SMOC1: variants seen among roughly 807,000 people sequenced by gnomAD.
SMOC1 encodes the protein SPARC-related modular calcium-binding protein 1.
Under a neutral mutation model 56.3 loss-of-function variants are expected in SMOC1, and 22 were observed. That is an observed-to-expected ratio of 0.39 (90% CI 0.28 to 0.56). SMOC1 has a LOEUF of 0.56. Ranked by LOEUF, SMOC1 falls within the 20% of genes least tolerant of loss-of-function variation. The pLI, the probability that SMOC1 is intolerant of heterozygous loss-of-function variation, is 0.61. For synonymous variants in SMOC1, 193 were observed against 215.0 expected (o/e 0.90, Z 0.89); for missense variants, 509 against 565.4 (o/e 0.90, Z 1.01).
At chr14:69,887,228 C>A (rs1300557714) in intron 1 of SMOC1, among the ~76,000 whole-genome samples, 1 of 152,072 alleles carries the variant, frequency 6.6e-6, no homozygotes, top group Non-Finnish European at 1.5e-5. Flanking sequence ...CCAAAAGATA[C>A]AGTAACTTAT....
chr14:69,966,461 T>C (rs1883581463), intron 3 of SMOC1, among the ~76,000 whole-genome samples: 1 of 152,228 alleles, frequency 6.6e-6, no homozygotes, highest in South Asian at 2.1e-4. Flanking sequence ...GGTACTAGTT[T>C]ATAAATCTCC....
chr14:69,960,160 C>T (rs1272206484), intron 3 of SMOC1, among the ~76,000 whole-genome samples: 1 of 152,182 alleles, frequency 6.6e-6, no homozygotes, highest in Non-Finnish European at 1.5e-5. Context: ...TGAACATCCT[C>T]ATAGGGTGGA....
intron 10 of SMOC1, among the ~76,000 whole-genome samples, chr14:70,016,325 C>CA (rs1318047703): frequency 6.6e-6 from 1 of 151,916 alleles, no homozygotes; most frequent in African/African-American, 2.4e-5. Context: ...AGAGGTTTTT[C>CA]AAAAAAATTG....
rs565321447 is a variant in SMOC1, at chr14:69,965,081, A to G, written c.379-10634A>G. Among the ~76,000 whole-genome samples the G allele has an allele frequency of 4.5e-4, 69 of 152,168 alleles. 1 individual carries two copies. Among genetic ancestry groups the G allele is most frequent in the Non-Finnish European group, 8.8e-4 (60 of 68,026 alleles). On this transcript the variant is annotated intron_variant, in intron 3 of 11. Coordinates refer to ENST00000361956, the MANE Select transcript of SMOC1 (RefSeq NM_001034852.3). ...GCCAGAGATAACAACCAAAGGATGG[A>G]TAAAAAGATGACTAGGCCGGGTGCA...
intron 7 of SMOC1, among the ~76,000 whole-genome samples, chr14:70,005,273 T>G (rs1885111689): frequency 6.6e-6 from 1 of 152,188 alleles, no homozygotes; most frequent in Non-Finnish European, 1.5e-5. Flanking sequence ...TAGCTGAGGA[T>G]TTAGGTTATC....
chr14:69,997,175 T>C (rs1048349132), intron 7 of SMOC1, among the ~76,000 whole-genome samples: 6 of 152,206 alleles, frequency 3.9e-5, no homozygotes, highest in African/African-American at 1.4e-4. Context: ...GCCCCTCTCA[T>C]AGTCCAGGCA....
intron 1 of SMOC1, among the ~76,000 whole-genome samples, chr14:69,939,589 G>A (rs921791275): frequency 6.6e-6 from 1 of 152,136 alleles, no homozygotes; most frequent in Non-Finnish European, 1.5e-5. Flanking sequence ...TCTAAGTTTG[G>A]GGCTGCCTGT....
chr14:69,966,206 G>T (rs897280833), intron 3 of SMOC1, among the ~76,000 whole-genome samples: 1 of 152,030 alleles, frequency 6.6e-6, no homozygotes, highest in African/African-American at 2.4e-5. Context: ...CCCCAAGATA[G>T]AAATAAAATT....
At chr14:69,900,788 C>T (rs1250015785) in intron 1 of SMOC1, among the ~76,000 whole-genome samples, 1 of 152,228 alleles carries the variant, frequency 6.6e-6, no homozygotes, top group African/African-American at 2.4e-5. Flanking sequence ...ATTGCTAAAA[C>T]AAGGTGAATT....
At chr14:69,990,188 C>G (rs1884511627) in intron 5 of SMOC1, among the ~76,000 whole-genome samples, 1 of 152,182 alleles carries the variant, frequency 6.6e-6, no homozygotes, top group Non-Finnish European at 1.5e-5. Flanking sequence ...CCTTTTTGCC[C>G]TCCTTGAGTG....
At chr14:69,916,400 T>C (rs1005072395) in intron 1 of SMOC1, among the ~76,000 whole-genome samples, 1 of 152,244 alleles carries the variant, frequency 6.6e-6, no homozygotes, top group Non-Finnish European at 1.5e-5. Flanking sequence ...CTTTTCAGCC[T>C]TTGGGCTCTA....
At chr14:69,966,172 A>G (rs768725140) in intron 3 of SMOC1, among the ~76,000 whole-genome samples, 1 of 152,180 alleles carries the variant, frequency 6.6e-6, no homozygotes, top group Non-Finnish European at 1.5e-5. Context: ...CTTTTTAAAC[A>G]TAAAAATATA....
chr14:70,006,268 G>A (rs1329847795), intron 7 of SMOC1, among the ~76,000 whole-genome samples: 2 of 152,158 alleles, frequency 1.3e-5, no homozygotes, highest in African/African-American at 4.8e-5. Flanking sequence ...CTATTTTAGA[G>A]GCTTGTTTGA....
intron 2 of SMOC1, among the ~76,000 whole-genome samples, chr14:69,953,129 A>G (rs994532214): frequency 6.7e-6 from 1 of 148,272 alleles, no homozygotes; most frequent in Non-Finnish European, 1.5e-5. Flanking sequence ...AAACCCAGTG[A>G]AAAATCATGG....
At chr14:69,940,602 A>G (rs376891351) in intron 1 of SMOC1, among the ~76,000 whole-genome samples, 2 of 150,418 alleles carry the variant, frequency 1.3e-5, no homozygotes, top group African/African-American at 2.4e-5. Flanking sequence ...CCAAACAGGC[A>G]TGAAGAAACT....
intron 1 of SMOC1, among the ~76,000 whole-genome samples, chr14:69,901,013 G>T (rs983775639): frequency 1.3e-5 from 2 of 152,158 alleles, no homozygotes; most frequent in Non-Finnish European, 2.9e-5. Flanking sequence ...AATCTCAACT[G>T]GGCAGCTGCA....
At chr14:70,004,693 T>A (rs761214088) in intron 7 of SMOC1, among the ~76,000 whole-genome samples, 4 of 152,206 alleles carry the variant, frequency 2.6e-5, no homozygotes, top group African/African-American at 7.2e-5. Flanking sequence ...TATCACTCTC[T>A]CTCTCTCTCT....
At chr14:70,001,183 G>A (rs551863359) in intron 7 of SMOC1, among the ~76,000 whole-genome samples, 1 of 152,226 alleles carries the variant, frequency 6.6e-6, no homozygotes, top group East Asian at 1.9e-4. Flanking sequence ...AAGACTGTGG[G>A]CCGTTAGAGT....
chr14:69,954,447 T>C (rs1180470968), intron 3 of SMOC1, among the ~76,000 whole-genome samples: 4 of 152,182 alleles, frequency 2.6e-5, no homozygotes, highest in African/African-American at 9.7e-5. Context: ...AGGATTATAG[T>C]GTGAACCATC....
Sources: allele counts gnomAD v4.1 joint callset (sites outside exome capture counted in the v4.1 genomes callset), GRCh38; gene constraint gnomAD v4.1.1; transcripts MANE v1.5; gene names NCBI Gene and HGNC (gene_info 2026-07-23, HGNC 2026-07-21).